Variants in EML6 observed in about 807,000 individuals in gnomAD.
EML6 encodes the protein EMAP like 6, also known as echinoderm microtubule-associated protein-like 6.
In EML6, 154 loss-of-function variants were observed where a neutral mutation model predicts 240.1. The ratio of observed to expected loss-of-function variants is 0.64; its 90% CI spans 0.56 to 0.73. The LOEUF is 0.73. EML6 is among the 30% of genes least tolerant of loss of function. EML6 has a pLI of 0.00. For synonymous variants in EML6, 1,148 were observed against 899.0 expected (o/e 1.28, Z -4.95); for missense variants, 2,964 against 2,474.6 (o/e 1.20, Z -4.20).
intron 26 of EML6, among the ~76,000 whole-genome samples, chr2:54,919,130 C>A (rs963149697): frequency 6.6e-6 from 1 of 151,970 alleles, no homozygotes; most frequent in Non-Finnish European, 1.5e-5. Flanking sequence ...GTTCTGTTTT[C>A]TCCTTTGCGG....
At position 54,831,785 on chromosome 2, in the gene EML6, G is replaced by A. The variant is rs150269539; in HGVS notation, c.847+2308G>A. On this transcript the variant is annotated intron_variant, in intron 7 of 41. Coordinates refer to ENST00000356458, the MANE Select transcript of EML6 (RefSeq NM_001039753.4). ...GTTCCAGTTTGAGTCCCAGGGAGTC[G>A]GAGAGGGCACAGGGGCTGGGATGGA... is the stretch of plus-strand genomic sequence containing the variant. Among the ~76,000 whole-genome samples the A allele has an allele frequency of 2.7e-4, 41 of 152,076 alleles. No homozygotes were observed. The East Asian group carries it at 6.8e-3, about 25-fold the overall frequency.
chr2:54,773,776 T>C (rs1472927815), intron 2 of EML6, among the ~76,000 whole-genome samples: 2 of 152,230 alleles, frequency 1.3e-5, no homozygotes, highest in African/African-American at 4.8e-5. Flanking sequence ...TATCTGTTTC[T>C]TCTGTGCTCA....
At chr2:54,878,108 A>C (rs1191130315) in intron 16 of EML6, among the ~76,000 whole-genome samples, 1 of 152,250 alleles carries the variant, frequency 6.6e-6, no homozygotes, top group African/African-American at 2.4e-5. Flanking sequence ...AATATGTAAT[A>C]TACATATAAA....
chr2:54,885,730 G>C (rs1288165309), intron 17 of EML6, among the ~76,000 whole-genome samples: 3 of 152,026 alleles, frequency 2.0e-5, no homozygotes, highest in African/African-American at 7.2e-5. Context: ...TCTTGCCTCA[G>C]CCTCCTGAGT....
chr2:54,917,107 G>T (rs1673958070), intron 26 of EML6, among the ~76,000 whole-genome samples, 172 bp downstream of exon 26: 1 of 152,070 alleles, frequency 6.6e-6, no homozygotes, highest in South Asian at 2.1e-4. Context: ...TAATTTCAGT[G>T]CAATTCTCAT....
chr2:54,808,984 CT>C (rs1480075764), intron 2 of EML6, among the ~76,000 whole-genome samples: 1 of 152,152 alleles, frequency 6.6e-6, no homozygotes, highest in African/African-American at 2.4e-5. Flanking sequence ...AAAAACAGTT[CT>C]TTCAAAACTT....
chr2:54,830,103 C>G (rs1668793524), intron 7 of EML6, among the ~76,000 whole-genome samples: 1 of 152,166 alleles, frequency 6.6e-6, no homozygotes, highest in South Asian at 2.1e-4. Context: ...ACTTAGCACT[C>G]AAACTGTTAG....
At chr2:54,936,079 G>A (rs1475258676) in intron 28 of EML6, among the ~76,000 whole-genome samples, 4 of 152,106 alleles carry the variant, frequency 2.6e-5, no homozygotes, top group Admixed American at 2.6e-4. Context: ...CATCTCCAGA[G>A]GTTTTCATTA....
intron 5 of EML6, among the ~76,000 whole-genome samples, chr2:54,823,642 A>G (rs1386360083): frequency 2.6e-5 from 4 of 152,040 alleles, no homozygotes; most frequent in South Asian, 4.2e-4. Flanking sequence ...GTTCATAATG[A>G]TCCTGATTTC....
chr2:54,941,259 G>A (rs1675413607), intron 28 of EML6, among the ~76,000 whole-genome samples: 1 of 151,972 alleles, frequency 6.6e-6, no homozygotes, highest in Non-Finnish European at 1.5e-5. Flanking sequence ...ATTTCTGTTG[G>A]GACCATTCAA....
rs869287646 is a variant in EML6, at chr2:54,964,120, G to GA, written c.5298dup (p.Arg1767ThrfsTer25). 41 of 1,551,356 alleles carry GA rather than the reference G, an allele frequency of 2.6e-5. No homozygotes were observed. Among genetic ancestry groups the GA allele is most frequent in the African/African-American group, 5.5e-5 (4 of 73,002 alleles). On this transcript the variant is annotated frameshift_variant, in exon 37 of 42. Transcript: ENST00000356458. LOFTEE classifies it high-confidence loss of function. Reference sequence around the variant, plus strand: ...TGGTGAACAGCCTGAAAGTTTGGGGGAAAAAACGAGACCGGAAATCTGCTA... The same window carrying GA: ...TGGTGAACAGCCTGAAAGTTTGGGGGAAAAAAACGAGACCGGAAATCTGCTA...
intron 12 of EML6, among the ~76,000 whole-genome samples, chr2:54,861,243 T>C (rs925845409): frequency 4.6e-5 from 7 of 152,194 alleles, no homozygotes; most frequent in Admixed American, 1.3e-4. Flanking sequence ...TGGAAAAAGT[T>C]TGGTCATACA....
chr2:54,758,439 G>A lies in EML6; in HGVS notation c.197+33181G>A, dbSNP rs553397764. Among the ~76,000 whole-genome samples the A allele has an allele frequency of 1.1e-4, 17 of 152,196 alleles. No homozygotes were observed. In the East Asian group the frequency reaches 1.9e-3, roughly 17 times the overall value. On this transcript the variant is annotated intron_variant, in intron 2 of 41. Transcript: ENST00000356458. ...TTCTCTTATTTCTGGACCTCTATAC[G>A]TGTGGTTTCAGAAATGTTCTATTTT...
intron 39 of EML6, among the ~76,000 whole-genome samples, chr2:54,967,530 C>G (rs751258218): frequency 7.2e-5 from 11 of 152,192 alleles, no homozygotes; most frequent in Non-Finnish European, 1.3e-4. Flanking sequence ...GGAACCCCTG[C>G]TGTTCTCCCC....
At chr2:54,955,972 G>A (rs1443835253) in intron 32 of EML6, among the ~76,000 whole-genome samples, 1 of 152,136 alleles carries the variant, frequency 6.6e-6, no homozygotes, top group African/African-American at 2.4e-5. Flanking sequence ...TATCACTAGA[G>A]AGCCTATTAT....
intron 11 of EML6, among the ~76,000 whole-genome samples, chr2:54,855,923 T>C (rs921357340): frequency 3.3e-5 from 5 of 152,162 alleles, no homozygotes; most frequent in Admixed American, 2.6e-4. Flanking sequence ...TCCCTGTACA[T>C]TTTGAACCTG....
intron 2 of EML6, among the ~76,000 whole-genome samples, chr2:54,785,707 T>C (rs1033222658): frequency 3.3e-5 from 5 of 152,192 alleles, no homozygotes; most frequent in Non-Finnish European, 5.9e-5. Flanking sequence ...AATTTTATGG[T>C]AGCAAATGAT....
intron 35 of EML6, 77 bp downstream of exon 35, chr2:54,960,411 C>A: frequency 9.2e-7 from 1 of 1,089,296 alleles, no homozygotes; most frequent in Non-Finnish European, 1.4e-6. Flanking sequence ...GGCACTTTCT[C>A]TGGGCTGGTT....
intron 23 of EML6, 64 bp from the exon 24 acceptor site, chr2:54,903,306 TA>T: frequency 6.5e-7 from 1 of 1,528,130 alleles, no homozygotes; most frequent in Non-Finnish European, 8.8e-7. Flanking sequence ...TTTAAAATAC[TA>T]AGTTCCTGGA....
Sources: gnomAD v4.1 joint callset for allele counts (sites outside exome capture counted in the v4.1 genomes callset) on GRCh38, gnomAD v4.1.1 for gene constraint, MANE v1.5 for transcripts, NCBI Gene and HGNC (gene_info 2026-07-23, HGNC 2026-07-21) for gene names.